The following DSCAM variants were observed in gnomAD, a reference collection of about 807,000 sequenced individuals.
The protein encoded by DSCAM is DS cell adhesion molecule, also known as cell adhesion molecule DSCAM.
Under a neutral mutation model 217.7 loss-of-function variants are expected in DSCAM, and 47 were observed. That is an observed-to-expected ratio of 0.22 (90% CI 0.17 to 0.28). The LOEUF (loss-of-function observed/expected upper bound fraction) is 0.28. Among genes scored for constraint, DSCAM ranks in the 10% least tolerant of loss-of-function variants. The pLI is 1.00. For missense variants in DSCAM, 2,080 were observed against 2,618.3 expected (o/e 0.79, Z 4.49); for synonymous variants, 1,056 against 1,015.3 (o/e 1.04, Z -0.76).
intron 3 of DSCAM, among the ~76,000 whole-genome samples, chr21:40,585,713 T>C (rs1207935425): frequency 1.3e-5 from 2 of 152,062 alleles, no homozygotes; most frequent in Non-Finnish European, 2.9e-5. Context: ...GTGAGAGGTG[T>C]TTTGGTCATG....
At chr21:40,229,893 C>T (rs1397898135) in intron 11 of DSCAM, among the ~76,000 whole-genome samples, 1 of 152,160 alleles carries the variant, frequency 6.6e-6, no homozygotes, top group Non-Finnish European at 1.5e-5. Flanking sequence ...CCTAAGACAA[C>T]ACTGTATTTA....
At chr21:40,191,058 T>C (rs1431496860) in intron 11 of DSCAM, among the ~76,000 whole-genome samples, 3 of 152,186 alleles carry the variant, frequency 2.0e-5, no homozygotes, top group Non-Finnish European at 1.5e-5. Flanking sequence ...GAGGTCAAGC[T>C]CAGACTACGT....
intron 3 of DSCAM, among the ~76,000 whole-genome samples, chr21:40,602,124 G>C (rs1372045813): frequency 1.4e-5 from 2 of 139,242 alleles, no homozygotes; most frequent in East Asian, 2.2e-4. Flanking sequence ...GCAGTGGCTA[G>C]ATCTCTGCTC....
chr21:40,048,502 G>C (rs556115805), intron 30 of DSCAM, among the ~76,000 whole-genome samples: 1 of 152,172 alleles, frequency 6.6e-6, no homozygotes, highest in African/African-American at 2.4e-5. Context: ...ATAGCAAATT[G>C]TTATGATTTC....
rs2090069674 is a variant in DSCAM, at chr21:40,124,257, G to A, written c.3634C>T (p.Pro1212Ser). Residue 1212 changes from proline to serine, a missense_variant, in exon 20 of 33, where the codon CCT (proline) becomes TCT (serine). Physicochemically the swap from Pro to Ser is moderately conservative, Grantham distance 74. Coordinates refer to ENST00000400454, the MANE Select transcript of DSCAM (RefSeq NM_001389.5). ...ASMVFVSWLP[P>S]LKLNGIIRKY... ...CGGATGATGCCGTTCAGCTTGAGAG[G>A]GGGAAGCCAGGACACAAAGACCATG... 1 of 1,613,882 alleles carries A rather than the reference G, an allele frequency of 6.2e-7. No individual in the cohort carries two copies. The highest frequency in any genetic ancestry group is 1.7e-5 in the Admixed American group (1 of 59,988).
intron 24 of DSCAM, among the ~76,000 whole-genome samples, chr21:40,081,669 A>G (rs888816911): frequency 2.0e-5 from 3 of 151,998 alleles, no homozygotes; most frequent in East Asian, 1.9e-4. Context: ...CCTCGAAGCC[A>G]CCTCAAAAAA....
chr21:40,188,495 C>T (rs1035255816), intron 12 of DSCAM, among the ~76,000 whole-genome samples: 12 of 152,194 alleles, frequency 7.9e-5, no homozygotes, highest in Non-Finnish European at 1.8e-4. Flanking sequence ...AAACACAGGG[C>T]TTCCCCACCT....
intron 10 of DSCAM, among the ~76,000 whole-genome samples, chr21:40,280,160 G>C (rs535817505): frequency 1.4e-5 from 2 of 146,310 alleles, no homozygotes; most frequent in East Asian, 4.0e-4. Context: ...TCATATGAAA[G>C]TTCACAGCAG....
chr21:40,525,595 C>T (rs1418878511), intron 3 of DSCAM, among the ~76,000 whole-genome samples: 1 of 152,200 alleles, frequency 6.6e-6, no homozygotes, highest in Non-Finnish European at 1.5e-5. Flanking sequence ...AGTAACTTTT[C>T]AGAGTAATTT....
In DSCAM at chr21:40,203,235, T is replaced by C. The variant is rs118142039; in HGVS notation, c.2357-13997A>G. Among the ~76,000 whole-genome samples the C allele has an allele frequency of 7.8e-3, 1,190 of 152,386 alleles. 10 individuals carry two copies. Among genetic ancestry groups the C allele is most frequent in the Admixed American group, 0.023 (349 of 15,312 alleles). ...AACTGTATGTAAAATACCATCAACCTTTCTGCATTCATTTGTGTCTGGCTT... is the reference window on the plus strand; with the variant it reads ...AACTGTATGTAAAATACCATCAACCCTTCTGCATTCATTTGTGTCTGGCTT... On this transcript the variant is annotated intron_variant, in intron 11 of 32. Coordinates refer to ENST00000400454, the MANE Select transcript of DSCAM (RefSeq NM_001389.5).
intron 3 of DSCAM, among the ~76,000 whole-genome samples, chr21:40,607,329 T>C (rs938113812): frequency 1.3e-5 from 2 of 151,710 alleles, no homozygotes; most frequent in African/African-American, 4.8e-5. Flanking sequence ...ACAAAGAACA[T>C]CATATATAAG....
chr21:40,157,584 T>G (rs549930837), intron 16 of DSCAM, among the ~76,000 whole-genome samples: 10 of 152,226 alleles, frequency 6.6e-5, no homozygotes. Flanking sequence ...GCAGTAACAA[T>G]GGAGCTCCAG....
At chr21:40,785,476 T>C (rs1211879262) in intron 1 of DSCAM, among the ~76,000 whole-genome samples, 1 of 152,210 alleles carries the variant, frequency 6.6e-6, no homozygotes, top group African/African-American at 2.4e-5. Context: ...AATACACTTA[T>C]CAGGAGAATA....
intron 20 of DSCAM, among the ~76,000 whole-genome samples, chr21:40,123,144 G>A (rs182991890): frequency 6.6e-6 from 1 of 152,270 alleles, no homozygotes; most frequent in East Asian, 1.9e-4. Flanking sequence ...GCTGGTGGGA[G>A]GGAGGATAGG....
At chr21:40,100,571 A>G (rs116460147) in intron 20 of DSCAM, among the ~76,000 whole-genome samples, 4,492 of 151,836 alleles carry the variant, frequency 0.03, 226 homozygotes, top group African/African-American at 0.1. Context: ...ATGAGAAGGG[A>G]TCACTTTGAT....
At chr21:40,452,269 G>C (rs989801609) in intron 3 of DSCAM, among the ~76,000 whole-genome samples, 2 of 66,986 alleles carry the variant, frequency 3.0e-5, no homozygotes, top group Admixed American at 1.7e-4. Context: ...CACACACACA[G>C]GTATCCTGGA....
At chr21:40,602,884 G>A (rs2077073181) in intron 3 of DSCAM, among the ~76,000 whole-genome samples, 1 of 151,652 alleles carries the variant, frequency 6.6e-6, no homozygotes, top group Non-Finnish European at 1.5e-5. Flanking sequence ...GGCTGATATT[G>A]CACTTCTTAC....
intron 30 of DSCAM, 62 bp downstream of exon 30, chr21:40,051,895 GA>G: frequency 6.5e-7 from 1 of 1,538,714 alleles, no homozygotes; most frequent in Non-Finnish European, 8.8e-7. Flanking sequence ...GAGAGAGAAA[GA>G]ACATTACTAT....
chr21:40,478,634 T>C (rs1569140127), intron 3 of DSCAM, among the ~76,000 whole-genome samples: 1 of 152,210 alleles, frequency 6.6e-6, no homozygotes, highest in East Asian at 1.9e-4. Context: ...ACTGAGATTT[T>C]GAGCAAAGAA....
Sources: gnomAD v4.1 joint callset for allele counts (sites outside exome capture counted in the v4.1 genomes callset) on GRCh38, gnomAD v4.1.1 for gene constraint, MANE v1.5 for transcripts, NCBI Gene and HGNC (gene_info 2026-07-23, HGNC 2026-07-21) for gene names.